Variants in LARGE1 observed in about 807,000 individuals in gnomAD.
The protein encoded by LARGE1 is xylosyl- and glucuronyltransferase LARGE1.
LARGE1 carries 43 observed loss-of-function variants against 87.6 expected under a neutral mutation model. The observed-to-expected ratio is 0.49, with a 90% CI of 0.38 to 0.63. LARGE1 has a LOEUF of 0.63. LARGE1 is among the 30% of genes least tolerant of loss of function. The pLI is 0.00. For synonymous variants in LARGE1, 434 were observed against 394.6 expected (o/e 1.10, Z -1.18); for missense variants, 802 against 1,000.2 (o/e 0.80, Z 2.67).
chr22:33,303,809 G>GC lies in LARGE1; in HGVS notation c.1730+419_1730+420insG, dbSNP rs1555892178. 3.1e-3 allele frequency among the ~76,000 whole-genome samples: 279 copies of GC among 88,932 alleles called. 5 individuals are homozygous for GC. The highest frequency in any genetic ancestry group is 0.03 in the African/African-American group (270 of 9,128). 58.3% of individuals were successfully genotyped at this position (88,932 alleles called of 152,430 possible). A position where few individuals can be genotyped will look rare whatever the true frequency, so the allele number is the denominator to read the frequency against. On this transcript the variant is annotated intron_variant, in intron 12 of 14. Transcript: ENST00000397394. ...GCTAATTTTTTTGGTATTTTTAGTAGGGGGGGGGTTTCACCATGTTGGCCA... is the reference window on the plus strand; with the variant it reads ...GCTAATTTTTTTGGTATTTTTAGTAGCGGGGGGGGTTTCACCATGTTGGCCA...
intron 2 of LARGE1, among the ~76,000 whole-genome samples, chr22:33,754,318 T>C (rs1198535016): frequency 5.3e-5 from 8 of 151,670 alleles, no homozygotes; most frequent in Non-Finnish European, 5.9e-5. Flanking sequence ...CTAACACTTA[T>C]TAAACATTGG....
chr22:33,826,430 C>T (rs942272358), intron 1 of LARGE1, among the ~76,000 whole-genome samples: 1 of 151,600 alleles, frequency 6.6e-6, no homozygotes, highest in African/African-American at 2.4e-5. Context: ...GCAACCTCCG[C>T]CTCCTGGGTT....
chr22:33,461,168 G>A (rs1372151136), intron 6 of LARGE1, among the ~76,000 whole-genome samples: 1 of 152,214 alleles, frequency 6.6e-6, no homozygotes, highest in East Asian at 1.9e-4. Flanking sequence ...ATAATAGGAA[G>A]TAGGTGGTGG....
At chr22:33,681,278 G>C (rs2081762760) in intron 2 of LARGE1, among the ~76,000 whole-genome samples, 1 of 152,146 alleles carries the variant, frequency 6.6e-6, no homozygotes, top group South Asian at 2.1e-4. Flanking sequence ...TGATGTGAAT[G>C]GGCCATTAGT....
At chr22:33,130,877 C>T in the LARGE1 span, among the ~76,000 whole-genome samples, 1 of 151,308 alleles carries the variant, frequency 6.6e-6, no homozygotes, top group Non-Finnish European at 1.5e-5. Context: ...ACTGAACATA[C>T]AAAAAATTAG....
At chr22:33,237,275 A>C (rs1926299386) in intron 11 of LARGE1, among the ~76,000 whole-genome samples, 1 of 152,216 alleles carries the variant, frequency 6.6e-6, no homozygotes, top group Admixed American at 6.5e-5. Flanking sequence ...GTATATTTAA[A>C]CCATGATAAG....
At chr22:33,122,461 C>T in the LARGE1 span, among the ~76,000 whole-genome samples, 5 of 151,130 alleles carry the variant, frequency 3.3e-5, no homozygotes, top group South Asian at 2.1e-4. Flanking sequence ...CGGGTTCAAG[C>T]GATTCTCCTG....
At chr22:33,876,439 GATAT>G (rs1830509774) in intron 1 of LARGE1, among the ~76,000 whole-genome samples, 1 of 152,162 alleles carries the variant, frequency 6.6e-6, no homozygotes, top group Non-Finnish European at 1.5e-5. Context: ...TGGTGATACA[GATAT>G]GTTACCTTTG....
At chr22:33,090,553 G>T in the LARGE1 span, among the ~76,000 whole-genome samples, 1 of 152,188 alleles carries the variant, frequency 6.6e-6, no homozygotes, top group South Asian at 2.1e-4. Flanking sequence ...TTGGGAATGT[G>T]TCTGAACTTT....
At chr22:33,544,386 A>C (rs776383005) in intron 6 of LARGE1, among the ~76,000 whole-genome samples, 9 of 152,146 alleles carry the variant, frequency 5.9e-5, no homozygotes, top group East Asian at 1.9e-4. Flanking sequence ...TAGCAAATAG[A>C]GTGGAAAGAG....
intron 1 of LARGE1, among the ~76,000 whole-genome samples, chr22:33,843,687 C>G (rs962006270): frequency 1.3e-5 from 2 of 151,912 alleles, no homozygotes; most frequent in African/African-American, 4.8e-5. Flanking sequence ...GAAAACAAGT[C>G]TTATCCTGCA....
chr22:33,394,683 G>T lies in LARGE1; in HGVS notation c.893-10379C>A, dbSNP rs533487720. ...ATTTGTGGTCTCAACCATACCATGT[G>T]GTCTCAACCTCCTGGGAGCGTGTGT... is the stretch of plus-strand genomic sequence containing the variant. On this transcript the variant is annotated intron_variant, in intron 7 of 14. Coordinates refer to ENST00000397394, the MANE Select transcript of LARGE1 (RefSeq NM_133642.5). Among the ~76,000 whole-genome samples, 1,298 of 151,400 alleles carry T rather than the reference G, an allele frequency of 8.6e-3. 18 individuals carry two copies. The highest frequency in any genetic ancestry group is 0.03 in the African/African-American group (1,221 of 41,112).
At chr22:33,670,535 C>T (rs542882400) in intron 2 of LARGE1, among the ~76,000 whole-genome samples, 10 of 152,088 alleles carry the variant, frequency 6.6e-5, no homozygotes, top group South Asian at 4.2e-4. Context: ...ACGGGGGCAC[C>T]GCAGGATACT....
At chr22:33,178,009 C>T (rs987926162) in intron 11 of LARGE1, among the ~76,000 whole-genome samples, 2 of 152,224 alleles carry the variant, frequency 1.3e-5, no homozygotes, top group East Asian at 1.9e-4. Context: ...CTTCACTTTC[C>T]GCCATGATTG....
At chr22:33,487,780 T>C (rs2069651356) in intron 6 of LARGE1, among the ~76,000 whole-genome samples, 1 of 152,200 alleles carries the variant, frequency 6.6e-6, no homozygotes, top group Non-Finnish European at 1.5e-5. Flanking sequence ...TCTGTTCTGC[T>C]GCTCACTGAC....
intron 7 of LARGE1, among the ~76,000 whole-genome samples, chr22:33,394,962 C>T (rs184730216): frequency 6.6e-6 from 1 of 152,186 alleles, no homozygotes; most frequent in African/African-American, 2.4e-5. Flanking sequence ...CATGGTGGCT[C>T]ACACCTGTAA....
intron 5 of LARGE1, chr22:33,572,216 C>A: frequency 7.8e-7 from 1 of 1,282,102 alleles, no homozygotes; most frequent in Non-Finnish European, 1.0e-6. Flanking sequence ...AGAAGTCATC[C>A]CAGCTGCAGA....
At chr22:33,375,727 TTTTA>T (rs1264166087) in intron 9 of LARGE1, among the ~76,000 whole-genome samples, 1 of 152,098 alleles carries the variant, frequency 6.6e-6, no homozygotes, top group Non-Finnish European at 1.5e-5. Flanking sequence ...CTCAAGAAAT[TTTTA>T]TTTTTATTTA....
chr22:33,397,510 A>C (rs751773943), intron 7 of LARGE1, among the ~76,000 whole-genome samples: 2 of 152,186 alleles, frequency 1.3e-5, no homozygotes, highest in South Asian at 2.1e-4. Flanking sequence ...TGAATATTAC[A>C]TTTGTGAAAT....
Sources: allele counts gnomAD v4.1 joint callset (sites outside exome capture counted in the v4.1 genomes callset), GRCh38; gene constraint gnomAD v4.1.1; transcripts MANE v1.5; gene names NCBI Gene and HGNC (gene_info 2026-07-23, HGNC 2026-07-21).